Variants in SOX6 observed in about 807,000 individuals in gnomAD.
SOX6 encodes transcription factor SOX-6.
SOX6 carries 11 observed loss-of-function variants against 97.8 expected under a neutral mutation model. That is an observed-to-expected ratio of 0.11 (90% confidence interval 0.07 to 0.19). SOX6 has a LOEUF of 0.19. Ranked by LOEUF, SOX6 falls within the 10% of genes least tolerant of loss-of-function variation. The pLI is 1.00. For synonymous variants in SOX6, 360 were observed against 371.4 expected (o/e 0.97, Z 0.35); for missense variants, 810 against 1,039.5 (o/e 0.78, Z 3.04).
intron 3 of SOX6, among the ~76,000 whole-genome samples, chr11:16,268,090 G>C (rs955921819): frequency 1.3e-5 from 2 of 151,266 alleles, no homozygotes; most frequent in African/African-American, 4.8e-5. Flanking sequence ...GCCACAGTTA[G>C]ATAAGAAAAA....
chr11:16,276,771 C>T (rs532104252), intron 3 of SOX6, among the ~76,000 whole-genome samples: 1 of 152,304 alleles, frequency 6.6e-6, no homozygotes, highest in African/African-American at 2.4e-5. Context: ...TTTCTTTAAG[C>T]TACAGTGTGT....
At chr11:16,618,688 A>C (rs1270854220) in intron 3 of SOX6, among the ~76,000 whole-genome samples, 2 of 152,008 alleles carry the variant, frequency 1.3e-5, no homozygotes, top group Non-Finnish European at 2.9e-5. Flanking sequence ...GAAGAGCCGG[A>C]TAACTGCTTG....
At chr11:16,594,469 A>ATATC (rs1316183910) in intron 4 of SOX6, among the ~76,000 whole-genome samples, 1 of 152,078 alleles carries the variant, frequency 6.6e-6, no homozygotes, top group Non-Finnish European at 1.5e-5. Flanking sequence ...AAACCTCAAT[A>ATATC]TATCTACTTT....
chr11:16,382,920 C>G lies in SOX6; in HGVS notation c.-4-41668G>C, dbSNP rs190529698. 1.7e-3 allele frequency among the ~76,000 whole-genome samples: 264 copies of G among 151,058 alleles called. 1 individual carries two copies. The highest frequency in any genetic ancestry group is 5.9e-3 in the African/African-American group (244 of 41,090). ...TTAATCTCTTAAGCACCATTAAAAA[C>G]AAAACAAACAAAAAAAAAACTAATT... On this transcript the variant is annotated intron_variant, in intron 1 of 15. Coordinates refer to the SOX6 transcript ENST00000396356.
intron 4 of SOX6, among the ~76,000 whole-genome samples, chr11:16,563,939 A>C (rs1412770194): frequency 6.6e-6 from 1 of 152,214 alleles, no homozygotes; most frequent in Non-Finnish European, 1.5e-5. Context: ...GAAGCCAGAA[A>C]GAAGTGGCAC....
intron 4 of SOX6, among the ~76,000 whole-genome samples, chr11:16,490,059 G>T (rs1860486717): frequency 6.6e-6 from 1 of 152,008 alleles, no homozygotes; most frequent in African/African-American, 2.4e-5. Context: ...AAAGTAATAA[G>T]TGTTCAATAA....
chr11:16,135,429 T>C (rs934300105), intron 6 of SOX6, among the ~76,000 whole-genome samples: 19 of 152,144 alleles, frequency 1.2e-4, no homozygotes, highest in Non-Finnish European at 2.2e-4. Flanking sequence ...CCATTCTAGA[T>C]GACATTAAAA....
intron 12 of SOX6, among the ~76,000 whole-genome samples, chr11:16,022,405 CTCTCTT>C (rs1243231632): frequency 4.1e-5 from 6 of 147,062 alleles, no homozygotes; most frequent in Admixed American, 2.1e-4. Flanking sequence ...CTCTCTCTCT[CTCTCTT>C]TCTCTTTCTC....
At chr11:16,327,008 T>C (rs921483772) in intron 2 of SOX6, among the ~76,000 whole-genome samples, 3 of 152,186 alleles carry the variant, frequency 2.0e-5, no homozygotes, top group Non-Finnish European at 4.4e-5. Flanking sequence ...TTCAGGATAG[T>C]GAAACTTCTT....
chr11:16,217,891 C>CAGTTATAAA (rs1852420578), intron 4 of SOX6, among the ~76,000 whole-genome samples: 2 of 152,038 alleles, frequency 1.3e-5, no homozygotes. Context: ...CAGTTACCTG[C>CAGTTATAAA]CTGTAATTGG....
chr11:16,560,575 A>G (rs1304984773), intron 4 of SOX6, among the ~76,000 whole-genome samples: 1 of 117,590 alleles, frequency 8.5e-6, no homozygotes, highest in African/African-American at 3.1e-5. Context: ...ATATGTTTAT[A>G]CGTACATATA....
intron 7 of SOX6, chr11:16,110,303 C>A (rs1260743264): frequency 2.0e-5 from 3 of 151,232 alleles, no homozygotes; most frequent in Non-Finnish European, 4.4e-5. Context: ...CAGAATAGAA[C>A]AGTAAACTTG....
chr11:16,579,681 T>C (rs1308496015), intron 4 of SOX6, among the ~76,000 whole-genome samples: 2 of 152,122 alleles, frequency 1.3e-5, no homozygotes, highest in Non-Finnish European at 2.9e-5. Context: ...ATACCACAAT[T>C]AATGTACTCT....
chr11:16,662,077 A>G (rs1847769958), intron 3 of SOX6, among the ~76,000 whole-genome samples: 2 of 152,176 alleles, frequency 1.3e-5, no homozygotes, highest in African/African-American at 4.8e-5. Flanking sequence ...AAAAGGTTTT[A>G]TTTTTTTACC....
intron 4 of SOX6, among the ~76,000 whole-genome samples, chr11:16,485,009 C>T (rs2133127547): frequency 6.6e-6 from 1 of 152,242 alleles, no homozygotes; most frequent in East Asian, 1.9e-4. Flanking sequence ...TACCTTTACA[C>T]TTTCATGTAA....
chr11:16,209,587 C>T (rs1852164782), intron 4 of SOX6, among the ~76,000 whole-genome samples: 1 of 152,070 alleles, frequency 6.6e-6, no homozygotes, highest in African/African-American at 2.4e-5. Flanking sequence ...AAAACCCCGT[C>T]TCTACTAAAA....
chr11:16,283,579 CT>C (rs1210733393), intron 3 of SOX6, among the ~76,000 whole-genome samples: 1 of 151,620 alleles, frequency 6.6e-6, no homozygotes, highest in African/African-American at 2.4e-5. Flanking sequence ...TAAGAAAACC[CT>C]TTGTAAAACA....
At chr11:16,097,970 T>C (rs1293538574) in intron 7 of SOX6, among the ~76,000 whole-genome samples, 1 of 151,854 alleles carries the variant, frequency 6.6e-6, no homozygotes, top group Non-Finnish European at 1.5e-5. Context: ...TTGTAATACA[T>C]CATTTTTTAA....
intron 9 of SOX6, among the ~76,000 whole-genome samples, chr11:16,095,451 CCAGG>C (rs1237888494): frequency 6.6e-6 from 1 of 151,576 alleles, no homozygotes; most frequent in Non-Finnish European, 1.5e-5. Context: ...TCATCCAGGC[CCAGG>C]CACCCACCCC....
Sources: gnomAD v4.1 joint callset for allele counts (sites outside exome capture counted in the v4.1 genomes callset) on GRCh38, gnomAD v4.1.1 for gene constraint, MANE v1.5 for transcripts, NCBI Gene and HGNC (gene_info 2026-07-23, HGNC 2026-07-21) for gene names.